HSD3B7: variants seen among roughly 807,000 people sequenced by gnomAD.
HSD3B7 encodes hydroxy-delta-5-steroid dehydrogenase, 3 beta- and steroid delta-isomerase 7, also known as 3 beta-hydroxysteroid dehydrogenase type 7.
Under a neutral mutation model 34.3 loss-of-function variants are expected in HSD3B7, and 35 were observed. That is an observed-to-expected ratio of 1.02 (90% CI 0.78 to 1.35). The LOEUF (loss-of-function observed/expected upper bound fraction) is 1.35, where lower values mean the gene tolerates loss of function less well. Among genes scored for constraint, HSD3B7 ranks in the 40% most tolerant of loss-of-function variants. The pLI is 0.00. For missense variants in HSD3B7, 426 were observed against 504.7 expected (o/e 0.84, Z 1.49); for synonymous variants, 217 against 220.1 (o/e 0.99, Z 0.13).
In HSD3B7 at chr16:30,985,685, G is replaced by C; in HGVS notation, c.27G>C (p.Lys9Asn). Reference sequence around the variant, plus strand: ...TGGCCGACTCTGCACAGGCCCAGAAGCTGGTGTACCTGGTCACAGGGGGCT... The same window carrying C: ...TGGCCGACTCTGCACAGGCCCAGAACCTGGTGTACCTGGTCACAGGGGGCT... MADSAQAQKLVYLVTGGCG... is the reference protein window; with the variant it reads MADSAQAQNLVYLVTGGCG... Residue 9 changes from lysine (K) to asparagine (N), a missense_variant, in exon 2 of 7, where the codon AAG becomes AAC. Transcript: ENST00000297679. 2 of 1,608,048 alleles carry C rather than the reference G, an allele frequency of 1.2e-6. No homozygotes were observed. Among genetic ancestry groups the C allele is most frequent in the Non-Finnish European group, 1.7e-6 (2 of 1,179,396 alleles).
chr16:30,985,466 C>T, intron 1 of HSD3B7, 169 bp downstream of exon 1: 1 of 1,475,968 alleles, frequency 6.8e-7, no homozygotes, highest in South Asian at 1.3e-5. Flanking sequence ...CAAGCCCGCC[C>T]CTCTCTCCGT....
In HSD3B7 at chr16:30,987,878, G is replaced by C. The variant is rs1344484861; in HGVS notation, c.805G>C (p.Glu269Gln). 1 of 1,613,904 alleles carries C rather than the reference G, an allele frequency of 6.2e-7. No homozygotes were observed. Among genetic ancestry groups the C allele is most frequent in the Non-Finnish European group, 8.5e-7 (1 of 1,180,000 alleles). ...CYDGSPYRSY[E>Q]DFNMEFLGPC... ...CGATGGATCACCCTACAGGAGCTAC[G>C]AGGATTTCAACATGGAGTTCCTGGG... Residue 269 changes from glutamate (E) to glutamine (Q), a missense_variant, in exon 7 of 7, where the codon GAG becomes CAG. Physicochemically the swap from Glu to Gln is conservative, Grantham distance 29. Transcript: ENST00000297679.
rs772987072 is a variant in HSD3B7, at chr16:30,985,638, A to C, written c.-6-15A>C. 6.3e-7 allele frequency: 1 copy of C among 1,594,656 alleles called. No individual in the cohort carries two copies. Among genetic ancestry groups the C allele is most frequent in the South Asian group, 1.1e-5 (1 of 88,642 alleles). On this transcript the variant is annotated splice_polypyrimidine_tract_variant and intron_variant, in intron 1 of 6. Coordinates refer to ENST00000297679, the MANE Select transcript of HSD3B7 (RefSeq NM_025193.4). ...TGGCAGCCAGCCCCTGGATGAGCCA[A>C]GGTCTCTTCCCCAGCCAGGCATGGC...
intron 6 of HSD3B7, chr16:30,987,469 A>G: frequency 4.0e-6 from 2 of 495,098 alleles, no homozygotes; most frequent in South Asian, 4.4e-5. Context: ...TAAAGGAAGT[A>G]GCATCTACAC....
In HSD3B7 at chr16:30,986,052, C is replaced by T; in HGVS notation, c.170C>T (p.Pro57Leu). 1 of 1,612,912 alleles carries T rather than the reference C, an allele frequency of 6.2e-7. No homozygotes were observed. Among genetic ancestry groups the T allele is most frequent in the Non-Finnish European group, 8.5e-7 (1 of 1,179,904 alleles). The change falls in exon 3 of 7, where the codon CCT becomes CTT. Residue 57 changes from proline (P) to leucine (L), a missense_variant. By Grantham distance (98) the Pro-to-Leu change is moderately conservative. Coordinates refer to ENST00000297679, the MANE Select transcript of HSD3B7 (RefSeq NM_025193.4). ...TGTGTCCTCCAACCCCGGCCAGGGCCTGTGAGGGTGACTGCCATCCAGGGG... is the reference window on the plus strand; with the variant it reads ...TGTGTCCTCCAACCCCGGCCAGGGCTTGTGAGGGTGACTGCCATCCAGGGG... ...GPWLEELKTG[P>L]VRVTAIQGDV...
Position 30,985,257 on chromosome 16 carries a change from C to A in HSD3B7, c.-47C>A. 8.8e-7 allele frequency: 1 copy of A among 1,130,158 alleles called. No homozygotes were observed. Among genetic ancestry groups the A allele is most frequent in the South Asian group, 2.0e-5 (1 of 49,472 alleles). 70.0% of individuals were successfully genotyped at this position (1,130,158 alleles called of 1,614,324 possible). A position where few individuals can be genotyped will look rare whatever the true frequency, so the allele number is the denominator to read the frequency against. ...CCAGCCCTGGACGAAAGAAGAGGGCCCCTCCAGGCCAGTCTGGGCACCCTG... is the reference window on the plus strand; with the variant it reads ...CCAGCCCTGGACGAAAGAAGAGGGCACCTCCAGGCCAGTCTGGGCACCCTG... On this transcript the variant is annotated 5_prime_UTR_variant, in exon 1 of 7. Transcript: ENST00000297679.
chr16:30,988,315 TGTC>T lies in HSD3B7; in HGVS notation c.*135_*137del. 1.2e-6 allele frequency: 1 copy of T among 809,620 alleles called. No individual in the cohort carries two copies. The highest frequency in any genetic ancestry group is 1.7e-5 in the South Asian group (1 of 57,824). The allele number at this position is 809,620 out of a possible 1,614,324, so 50.2% of individuals were successfully genotyped here. On this transcript the variant is annotated 3_prime_UTR_variant, in exon 7 of 7. Coordinates refer to ENST00000297679, the MANE Select transcript of HSD3B7 (RefSeq NM_025193.4). Reference sequence around the variant, plus strand: ...GCTCTGGGGCCAGAATGGCTGTCCTTGTCGTAGAGCCCTCCACATTTTCTTTTT... The same window carrying T: ...GCTCTGGGGCCAGAATGGCTGTCCTTGTAGAGCCCTCCACATTTTCTTTTT...
chr16:30,987,344 G>T (rs1419087935), intron 6 of HSD3B7: 1 of 424,454 alleles, frequency 2.4e-6, no homozygotes, highest in African/African-American at 2.0e-5. Flanking sequence ...CACTTTAGGA[G>T]GCTGAGGCGG....
intron 1 of HSD3B7, 49 bp downstream of exon 1, chr16:30,985,346 C>T: frequency 7.9e-7 from 1 of 1,273,688 alleles, no homozygotes; most frequent in Non-Finnish European, 1.0e-6. Flanking sequence ...CTCCATCCGG[C>T]CCTTCCCACC....
chr16:30,986,985 A>G lies in HSD3B7; in HGVS notation c.677A>G (p.His226Arg), dbSNP rs1266689521. 4 of 1,612,114 alleles carry G rather than the reference A, an allele frequency of 2.5e-6. No individual in the cohort carries two copies. Among genetic ancestry groups the G allele is most frequent in the Non-Finnish European group, 3.4e-6 (4 of 1,179,118 alleles). ...CGGGCCATCCCGGCCTCTGTGGAGC[A>G]TGGCCGGGTCTATGTGGGTGAGGAC... ...LFRAIPASVE[H>R]GRVYVGNVAW... Residue 226 changes from histidine (H) to arginine (R), a missense_variant, in exon 6 of 7, where the codon CAT becomes CGT. By Grantham distance (29) the His-to-Arg change is conservative (BLOSUM62 0). Coordinates refer to ENST00000297679, the MANE Select transcript of HSD3B7 (RefSeq NM_025193.4).
At chr16:30,986,311 C>T in intron 3 of HSD3B7, 107 bp downstream of exon 3, 1 of 1,546,628 alleles carries the variant, frequency 6.5e-7, no homozygotes, top group African/African-American at 1.4e-5. Flanking sequence ...TATTGACAGC[C>T]CTGCCCCCGC....
intron 1 of HSD3B7, 95 bp from the exon 2 acceptor site, chr16:30,985,558 C>T: frequency 6.5e-7 from 1 of 1,533,974 alleles, no homozygotes; most frequent in South Asian, 1.2e-5. Flanking sequence ...CCCGCAAACG[C>T]CAGCCTCGTC....
intron 1 of HSD3B7, 115 bp downstream of exon 1, chr16:30,985,412 G>A: frequency 1.4e-6 from 2 of 1,398,590 alleles, no homozygotes; most frequent in Non-Finnish European, 1.9e-6. Flanking sequence ...CCCTTTTACT[G>A]CCTTCAAATC....
At position 30,988,074 on chromosome 16, in the gene HSD3B7, G is replaced by A. The variant is rs753169166; in HGVS notation, c.1001G>A (p.Ser334Asn). 4.4e-6 allele frequency: 7 copies of A among 1,606,238 alleles called. No individual in the cohort carries two copies. In the South Asian group the frequency reaches 6.6e-5, roughly 15 times the overall value. Reference protein sequence around the residue: ...LAVANTTFTVSTDKAQRHFGY... With the variant: ...LAVANTTFTVNTDKAQRHFGY... ...GTGGCCAACACCACCTTCACCGTCA[G>A]CACCGACAAGGCTCAGCGCCATTTC... Residue 334 changes from serine (S) to asparagine (N), a missense_variant, in exon 7 of 7, where the codon AGC (serine) becomes AAC (asparagine). Transcript: ENST00000297679.
rs2056530251 is a variant in HSD3B7 at position 30,989,143 on chromosome 16, C to T, written c.*960C>T. On this transcript the variant is annotated 3_prime_UTR_variant, in exon 7 of 7. Coordinates refer to ENST00000297679, the MANE Select transcript of HSD3B7 (RefSeq NM_025193.4). The stretch of plus-strand genomic sequence containing the variant: ...CTGACCCCGGATTAAAAGCCTCATC[C>T]ACGACCGTGTCCATCTGTCTGTCCA... The T allele has an allele frequency of 6.6e-6, 1 of 152,342 alleles. No individual in the cohort carries two copies. Among genetic ancestry groups the T allele is most frequent in the Non-Finnish European group, 1.5e-5 (1 of 68,128 alleles). 9.4% of individuals were successfully genotyped at this position (152,342 alleles called of 1,614,324 possible).
At position 30,985,791 on chromosome 16, in the gene HSD3B7, C is replaced by T; in HGVS notation, c.133C>T (p.His45Tyr). 6.2e-7 allele frequency: 1 copy of T among 1,603,062 alleles called. No individual in the cohort carries two copies. Among genetic ancestry groups the T allele is most frequent in the East Asian group, 2.2e-5 (1 of 44,636 alleles). Residue 45 changes from histidine (H) to tyrosine (Y), a missense_variant, in exon 2 of 7, where the codon CAC (histidine) becomes TAC (tyrosine). His to Tyr is a moderately conservative substitution (Grantham distance 83). Coordinates refer to ENST00000297679, the MANE Select transcript of HSD3B7 (RefSeq NM_025193.4). ...RLGELRVFDQ[H>Y]LGPWLEELKT... The stretch of plus-strand genomic sequence containing the variant: ...CGGGGAGCTGCGGGTCTTTGACCAA[C>T]ACCTGGGTCCCTGGCTGGAGGAGCT...
Position 30,986,275 on chromosome 16 carries a change from G to A in HSD3B7, c.322+71G>A, listed in dbSNP as rs770828654. ...CACTCTGTCTTTGGCCTTGACCTCC[G>A]GTGACTCCCCTGGGACAAGTTGTCC... is the stretch of plus-strand genomic sequence containing the variant. On this transcript the variant is annotated intron_variant, in intron 3 of 6. Transcript: ENST00000297679. 23 of 1,580,678 alleles carry A rather than the reference G, an allele frequency of 1.5e-5. No individual in the cohort carries two copies. In the East Asian group the frequency reaches 1.6e-4, roughly 11 times the overall value.
Position 30,986,444 on chromosome 16 carries a change from C to A in HSD3B7, c.344C>A (p.Ala115Asp). 1 of 1,614,124 alleles carries A rather than the reference C, an allele frequency of 6.2e-7. No individual in the cohort carries two copies. Among genetic ancestry groups the A allele is most frequent in the Non-Finnish European group, 8.5e-7 (1 of 1,180,002 alleles). Residue 115 changes from alanine to aspartate, a missense_variant, in exon 4 of 7, where the codon GCT becomes GAT. Physicochemically the swap from Ala to Asp is moderately radical, Grantham distance 126. Coordinates refer to ENST00000297679, the MANE Select transcript of HSD3B7 (RefSeq NM_025193.4). ...CCAGGTACCCGGAACGTGATCGAGG[C>A]TTGTGTGCAGACCGGAACACGGTTC... ...NVQGTRNVIEACVQTGTRFLV... is the reference protein window; with the variant it reads ...NVQGTRNVIEDCVQTGTRFLV...
At chr16:30,987,655 G>A in intron 6 of HSD3B7, 113 bp from the exon 7 acceptor site, 1 of 1,213,734 alleles carries the variant, frequency 8.2e-7, no homozygotes, top group Non-Finnish European at 1.2e-6. Flanking sequence ...CTGCTGTGGG[G>A]ATGTGGGCGG....
Sources: allele counts gnomAD v4.1 joint callset, GRCh38; gene constraint gnomAD v4.1.1; transcripts MANE v1.5; gene names NCBI Gene and HGNC (gene_info 2026-07-23, HGNC 2026-07-21).